The following MCPH1 variants were observed in gnomAD, a reference collection of about 807,000 sequenced individuals.
The protein encoded by MCPH1 is microcephalin.
In MCPH1, 104 loss-of-function variants were observed where a neutral mutation model predicts 84.5. That is an observed-to-expected ratio of 1.23 (90% CI 1.05 to 1.45). The LOEUF (loss-of-function observed/expected upper bound fraction) is 1.45, where lower values mean the gene tolerates loss of function less well. Among genes scored for constraint, MCPH1 ranks in the 40% most tolerant of loss-of-function variants. MCPH1 has a pLI of 0.00. For synonymous variants in MCPH1, 514 were observed against 366.8 expected, an observed-to-expected ratio of 1.40 and a Z score of -4.58; for missense variants, 1,498 against 1,005.7, an observed-to-expected ratio of 1.49 and a Z score of -6.62.
chr8:6,414,927 T>C (rs942594585), intron 3 of MCPH1, 44 bp downstream of exon 3: 3 of 1,597,744 alleles, frequency 1.9e-6, no homozygotes, highest in Non-Finnish European at 2.6e-6. Context: ...GTATCTAGTA[T>C]TGAAAATGTG....
intron 12 of MCPH1, among the ~76,000 whole-genome samples, chr8:6,515,841 C>T (rs1263051434): frequency 2.6e-5 from 4 of 152,186 alleles, no homozygotes; most frequent in Non-Finnish European, 4.4e-5. Flanking sequence ...GCACACTGTT[C>T]TCTGTTTACG....
At chr8:6,493,925 G>A (rs1411853482) in intron 11 of MCPH1, among the ~76,000 whole-genome samples, 1 of 138,728 alleles carries the variant, frequency 7.2e-6, no homozygotes, top group African/African-American at 2.5e-5. Flanking sequence ...TGGTCATAGT[G>A]CTTGGAAATA....
chr8:6,595,835 C>T (rs550353795), intron 12 of MCPH1, among the ~76,000 whole-genome samples: 1 of 152,278 alleles, frequency 6.6e-6, no homozygotes, highest in East Asian at 1.9e-4. Context: ...GAGTCAGATA[C>T]AATTGGGCAG....
chr8:6,463,299 C>A (rs1806486451), intron 9 of MCPH1, among the ~76,000 whole-genome samples: 1 of 152,156 alleles, frequency 6.6e-6, no homozygotes, highest in Non-Finnish European at 1.5e-5. Context: ...GAGATGCTTT[C>A]CTCATCTCCA....
chr8:6,562,929 C>A, intron 12 of MCPH1: 1 of 1,584,150 alleles, frequency 6.3e-7, no homozygotes, highest in Non-Finnish European at 8.6e-7. Flanking sequence ...AAACAATCTG[C>A]CACATTCTTT....
In MCPH1 at chr8:6,645,497, C is replaced by G. The variant is rs192220441; in HGVS notation, c.*2448C>G. 2 of 150,424 alleles carry G rather than the reference C, an allele frequency of 1.3e-5. No homozygotes were observed. Among genetic ancestry groups the G allele is most frequent in the Admixed American group, 1.3e-4 (2 of 14,972 alleles). The allele number at this position is 150,424 out of a possible 1,614,324, so 9.3% of individuals were successfully genotyped here. ...TTCAACGTTGCATTAAAGTTTCTACCCAGAGAAGGCAATAAAAGGAAATTA... is the reference window on the plus strand; with the variant it reads ...TTCAACGTTGCATTAAAGTTTCTACGCAGAGAAGGCAATAAAAGGAAATTA... On this transcript the variant is annotated 3_prime_UTR_variant, in exon 14 of 14. Coordinates refer to ENST00000344683, the MANE Select transcript of MCPH1 (RefSeq NM_024596.5).
intron 12 of MCPH1, among the ~76,000 whole-genome samples, chr8:6,564,204 A>C (rs1056187453): frequency 1.3e-5 from 2 of 152,082 alleles, no homozygotes; most frequent in Non-Finnish European, 2.9e-5. Context: ...TCTCAAACTC[A>C]TGACCTTGTG....
rs569731304 is a variant in MCPH1 at position 6,628,481 on chromosome 8, A to C, written c.2452+6790A>C. On this transcript the variant is annotated intron_variant, in intron 13 of 13. Transcript: ENST00000344683. ...TAAGACTCTGTCTCAAAAAAAAAAA[A>C]AAAAAAAAAAAAACATTAAAAGCAG... Among the ~76,000 whole-genome samples, 216 of 151,610 alleles carry C rather than the reference A, an allele frequency of 1.4e-3. 1 individual carries two copies. The highest frequency in any genetic ancestry group is 4.1e-3 in the African/African-American group (169 of 41,394).
intron 3 of MCPH1, among the ~76,000 whole-genome samples, chr8:6,418,741 C>T (rs1799689339): frequency 6.6e-6 from 1 of 152,162 alleles, no homozygotes; most frequent in Non-Finnish European, 1.5e-5. Flanking sequence ...GCCACCACGC[C>T]CAGCTAATTT....
At chr8:6,428,743 A>G (rs1801421535) in intron 3 of MCPH1, among the ~76,000 whole-genome samples, 1 of 142,320 alleles carries the variant, frequency 7.0e-6, no homozygotes, top group South Asian at 2.3e-4. Context: ...ACACGTGCGC[A>G]CGCACACACA....
chr8:6,638,253 G>T (rs1797698021), intron 13 of MCPH1, among the ~76,000 whole-genome samples: 1 of 152,206 alleles, frequency 6.6e-6, no homozygotes, highest in Non-Finnish European at 1.5e-5. Context: ...CACAGTGAGG[G>T]AGCTGGGCAA....
At chr8:6,591,382 A>G (rs1366785797) in intron 12 of MCPH1, among the ~76,000 whole-genome samples, 3 of 152,324 alleles carry the variant, frequency 2.0e-5, no homozygotes, top group South Asian at 2.1e-4. Flanking sequence ...TTTGTAGACA[A>G]TCGAATGTTG....
chr8:6,642,563 T>A (rs1798004058), intron 13 of MCPH1: 1 of 276,232 alleles, frequency 3.6e-6, no homozygotes, highest in South Asian at 4.4e-5. Context: ...ACGGCCTACC[T>A]CTCACCACTG....
intron 1 of MCPH1, among the ~76,000 whole-genome samples, chr8:6,408,098 A>C (rs1797996405): frequency 6.6e-6 from 1 of 152,246 alleles, no homozygotes; most frequent in African/African-American, 2.4e-5. Context: ...TCTGCACTGG[A>C]AAAATTAAGC....
At chr8:6,580,668 C>G (rs1461635013) in intron 12 of MCPH1, among the ~76,000 whole-genome samples, 1 of 151,572 alleles carries the variant, frequency 6.6e-6, no homozygotes, top group Non-Finnish European at 1.5e-5. Flanking sequence ...AAAACAAAAA[C>G]AAAACAAAAC....
rs548661014 is a variant in MCPH1, at chr8:6,446,934, A to G, written c.1825+1387A>G. On this transcript the variant is annotated intron_variant, in intron 8 of 13. Coordinates refer to ENST00000344683, the MANE Select transcript of MCPH1 (RefSeq NM_024596.5). ...GGTAAGTAGAAGGGGGTGAGGGGCCAGCACTAGTTGACTCAAGGCACCCTG... is the reference window on the plus strand; with the variant it reads ...GGTAAGTAGAAGGGGGTGAGGGGCCGGCACTAGTTGACTCAAGGCACCCTG... 1.8e-5 allele frequency: 18 copies of G among 985,392 alleles called. No individual in the cohort carries two copies. In the East Asian group the frequency reaches 1.8e-3, roughly 100 times the overall value. The allele number at this position is 985,392 out of a possible 1,614,324, so 61.0% of individuals were successfully genotyped here.
At chr8:6,456,135 C>T (rs2442503) in intron 9 of MCPH1, among the ~76,000 whole-genome samples, 102,951 of 152,078 alleles carry the variant, frequency 0.68, 38,948 homozygotes, top group Non-Finnish European at 0.83. Context: ...GATTTCTTTA[C>T]TGATGCTTTC....
At chr8:6,471,136 T>C (rs979151286) in intron 9 of MCPH1, among the ~76,000 whole-genome samples, 2 of 152,164 alleles carry the variant, frequency 1.3e-5, no homozygotes, top group Non-Finnish European at 2.9e-5. Flanking sequence ...CCAAGTGACC[T>C]TCCTTGCTCA....
At chr8:6,536,445 C>T (rs904908537) in intron 12 of MCPH1, among the ~76,000 whole-genome samples, 1 of 152,210 alleles carries the variant, frequency 6.6e-6, no homozygotes, top group East Asian at 1.9e-4. Flanking sequence ...CTTGAGTATG[C>T]CTTCCAATTC....
Sources: gnomAD v4.1 joint callset for allele counts (sites outside exome capture counted in the v4.1 genomes callset) on GRCh38, gnomAD v4.1.1 for gene constraint, MANE v1.5 for transcripts, NCBI Gene and HGNC (gene_info 2026-07-23, HGNC 2026-07-21) for gene names.